OCM: variants seen among roughly 807,000 people sequenced by gnomAD.
The protein encoded by OCM is oncomodulin-1.
OCM carries 18 observed loss-of-function variants against 14.1 expected under a neutral mutation model. The ratio of observed to expected loss-of-function variants is 1.28; its 90% CI spans 0.88 to 1.89. The LOEUF (loss-of-function observed/expected upper bound fraction) is 1.89, where lower values mean the gene tolerates loss of function less well. OCM is among the 40% of genes most tolerant of loss of function. The pLI is 0.00. For synonymous variants in OCM, 48 were observed against 51.0 expected, an observed-to-expected ratio of 0.94 and a Z score of 0.25; for missense variants, 140 against 137.6, an observed-to-expected ratio of 1.02 and a Z score of -0.09.
the OCM span, among the ~76,000 whole-genome samples, chr7:5,862,059 C>A: frequency 6.6e-6 from 1 of 152,034 alleles, no homozygotes; most frequent in South Asian, 2.1e-4. Flanking sequence ...GCCCCTGGGC[C>A]CTCACAGTGG....
chr7:5,878,488 T>G (rs1019485032), upstream of OCM, among the ~76,000 whole-genome samples: 2 of 151,550 alleles, frequency 1.3e-5, no homozygotes, highest in African/African-American at 4.8e-5. Flanking sequence ...GGCTCACGCC[T>G]GTAATCCCAG....
the OCM span, among the ~76,000 whole-genome samples, chr7:5,863,979 G>C: frequency 6.6e-6 from 1 of 152,036 alleles, no homozygotes; most frequent in Non-Finnish European, 1.5e-5. Context: ...GTCATCTGCT[G>C]AGGATGAAGA....
chr7:5,867,623 G>T, the OCM span, among the ~76,000 whole-genome samples: 67 of 152,084 alleles, frequency 4.4e-4, 1 homozygote, highest in African/African-American at 1.4e-3. Context: ...CCAATTACAT[G>T]TATATTAGGC....
At chr7:5,871,189 A>G in the OCM span, among the ~76,000 whole-genome samples, 1 of 148,854 alleles carries the variant, frequency 6.7e-6, no homozygotes, top group Admixed American at 6.6e-5. Flanking sequence ...CCCCGTCTCT[A>G]CAAAAAATAA....
upstream of OCM, chr7:5,880,796 T>TG (rs201468885): frequency 0.034 from 40,747 of 1,188,832 alleles, 1,039 homozygotes; most frequent in Middle Eastern, 0.053. Flanking sequence ...CACATACAGT[T>TG]TCAGTGGGCC....
Position 5,880,824 on chromosome 7 carries a change from C to G in OCM, c.-66C>G. 7.4e-6 allele frequency: 11 copies of G among 1,487,918 alleles called. No homozygotes were observed. The highest frequency in any genetic ancestry group is 1.0e-5 in the Non-Finnish European group (11 of 1,066,658). 92.2% of individuals were successfully genotyped at this position (1,487,918 alleles called of 1,614,324 possible). ...AGTGGGCCTGGGAAGATGTGTTTCCCCTGGATGTGCACATTCCTGTTTGTG... is the reference window on the plus strand; with the variant it reads ...AGTGGGCCTGGGAAGATGTGTTTCCGCTGGATGTGCACATTCCTGTTTGTG... On this transcript the variant is annotated 5_prime_UTR_variant, in exon 1 of 4. Coordinates refer to ENST00000242104, the MANE Select transcript of OCM (RefSeq NM_001097622.2).
chr7:5,869,425 C>G, the OCM span, among the ~76,000 whole-genome samples: 1 of 151,982 alleles, frequency 6.6e-6, no homozygotes, highest in South Asian at 2.1e-4. Context: ...TGGTGAAACC[C>G]TGTCTCTACT....
chr7:5,870,326 G>A, the OCM span, among the ~76,000 whole-genome samples: 1 of 152,044 alleles, frequency 6.6e-6, no homozygotes, highest in Non-Finnish European at 1.5e-5. Context: ...TGCCCAATCT[G>A]GTCTCAAACC....
At chr7:5,879,134 A>C (rs796466362), upstream of OCM, among the ~76,000 whole-genome samples, 2 of 152,100 alleles carry the variant, frequency 1.3e-5, no homozygotes, top group African/African-American at 2.4e-5. Flanking sequence ...CTGGGAGGTC[A>C]AGGCTGCAAT....
upstream of OCM, among the ~76,000 whole-genome samples, chr7:5,879,148 C>G (rs1021264912): frequency 1.3e-5 from 2 of 152,144 alleles, no homozygotes; most frequent in African/African-American, 2.4e-5. Flanking sequence ...CTGCAATGAG[C>G]TGAGATCGTG....
chr7:5,866,181 T>C, the OCM span, among the ~76,000 whole-genome samples: 39 of 151,034 alleles, frequency 2.6e-4, no homozygotes, highest in East Asian at 5.9e-3. Flanking sequence ...TTTAATTAGC[T>C]GGTTCTGGTG....
chr7:5,861,511 A>G, the OCM span, among the ~76,000 whole-genome samples: 1 of 152,148 alleles, frequency 6.6e-6, no homozygotes, highest in Non-Finnish European at 1.5e-5. Context: ...GTGTTTTCCA[A>G]AGGAAATTTA....
chr7:5,883,965 G>A lies in OCM; in HGVS notation c.270G>A (p.Ala90=), dbSNP rs373499237. The A allele has an allele frequency of 9.9e-6, 16 of 1,613,190 alleles. No homozygotes were observed. In the African/African-American group the frequency reaches 1.1e-4, roughly 11 times the overall value. ...ESETKSLMAA[A]DNDGDGKIGA... The stretch of plus-strand genomic sequence containing the variant: ...AAACCAAGTCCTTGATGGCTGCGGC[G>A]GATAATGATGGAGATGGGAAAATTG... The change falls in exon 3 of 4, where the codon GCG becomes GCA. Residue 90 remains alanine (A), a synonymous_variant. Coordinates refer to ENST00000242104, the MANE Select transcript of OCM (RefSeq NM_001097622.2).
chr7:5,875,071 T>TG (rs1781068061), upstream of OCM, among the ~76,000 whole-genome samples: 1 of 150,884 alleles, frequency 6.6e-6, no homozygotes, highest in East Asian at 1.9e-4. Context: ...TTTTTTTTTT[T>TG]TGAGACGGAG....
chr7:5,869,911 G>A, the OCM span, among the ~76,000 whole-genome samples: 7 of 152,094 alleles, frequency 4.6e-5, no homozygotes, highest in South Asian at 2.1e-4. Context: ...AGAGGCCCAC[G>A]CGCCACGTGT....
At chr7:5,866,012 T>C in the OCM span, among the ~76,000 whole-genome samples, 4,915 of 152,002 alleles carry the variant, frequency 0.032, 109 homozygotes, top group Non-Finnish European at 0.047. Context: ...ATAGCATAGG[T>C]ATTTGTACAA....
At chr7:5,869,418 T>A in the OCM span, among the ~76,000 whole-genome samples, 1 of 151,940 alleles carries the variant, frequency 6.6e-6, no homozygotes, top group Non-Finnish European at 1.5e-5. Flanking sequence ...ACCAACATGG[T>A]GAAACCCTGT....
chr7:5,860,374 A>G, the OCM span, among the ~76,000 whole-genome samples: 312 of 147,142 alleles, frequency 2.1e-3, 5 homozygotes, highest in Non-Finnish European at 3.3e-3. Context: ...GCATATATAT[A>G]TATATATCAT....
chr7:5,886,114 GA>G lies in OCM; in HGVS notation c.*26del. On this transcript the variant is annotated 3_prime_UTR_variant, in exon 4 of 4. Coordinates refer to ENST00000242104, the MANE Select transcript of OCM (RefSeq NM_001097622.2). ...AAAGCCCCAGTCTCTGGAGAAAAGA[GA>G]GAAAGGGATAATCACCTGGAAGGAT... 2 of 1,607,652 alleles carry G rather than the reference GA, an allele frequency of 1.2e-6. No homozygotes were observed. The highest frequency in any genetic ancestry group is 1.7e-6 in the Non-Finnish European group (2 of 1,174,144).
Sources: gnomAD v4.1 joint callset for allele counts (sites outside exome capture counted in the v4.1 genomes callset) on GRCh38, gnomAD v4.1.1 for gene constraint, MANE v1.5 for transcripts, NCBI Gene and HGNC (gene_info 2026-07-23, HGNC 2026-07-21) for gene names.